Variants in CASP9 observed in about 807,000 individuals in gnomAD.
CASP9 encodes the protein caspase 9.
In CASP9, 29 loss-of-function variants were observed where a neutral mutation model predicts 43.5. That is an observed-to-expected ratio of 0.67 (90% confidence interval 0.50 to 0.91). The LOEUF (loss-of-function observed/expected upper bound fraction) is 0.91. Among genes scored for constraint, CASP9 ranks in the 40% least tolerant of loss-of-function variants. The pLI is 0.00. For missense variants in CASP9, 575 were observed against 537.4 expected, an observed-to-expected ratio of 1.07 and a Z score of -0.69; for synonymous variants, 206 against 211.9, an observed-to-expected ratio of 0.97 and a Z score of 0.24.
Position 15,524,058 on chromosome 1 carries a change from CG to C in CASP9, c.132+10del. On this transcript the variant is annotated intron_variant, in intron 1 of 8. Transcript: ENST00000333868. ...GCCGTGCAGCGCGGGGACAGGGGGC[CG>C]GGGGCGCACCTGGATGTCCTCGATC... is the stretch of plus-strand genomic sequence containing the variant. 2 of 1,481,806 alleles carry C rather than the reference CG, an allele frequency of 1.3e-6. No individual in the cohort carries two copies. Among genetic ancestry groups the C allele is most frequent in the East Asian group, 2.8e-5 (1 of 35,110 alleles). 91.8% of individuals were successfully genotyped at this position (1,481,806 alleles called of 1,614,324 possible).
chr1:15,520,389 T>A (rs1710138096), intron 1 of CASP9, among the ~76,000 whole-genome samples: 1 of 152,170 alleles, frequency 6.6e-6, no homozygotes, highest in Admixed American at 6.5e-5. Flanking sequence ...ATAATACAAA[T>A]TAGGTATAGA....
intron 1 of CASP9, among the ~76,000 whole-genome samples, chr1:15,520,294 A>G (rs1710133561): frequency 6.6e-6 from 1 of 152,206 alleles, no homozygotes; most frequent in Non-Finnish European, 1.5e-5. Context: ...TTTGTGGGCG[A>G]AAGATTACCC....
intron 6 of CASP9, among the ~76,000 whole-genome samples, chr1:15,498,722 C>A (rs1709206138): frequency 6.8e-6 from 1 of 147,902 alleles, no homozygotes; most frequent in South Asian, 2.1e-4. Context: ...ACACCAGATT[C>A]CATGGATCTT....
In CASP9 at chr1:15,498,079, T is replaced by TTTTTTG. The variant is rs914062351; in HGVS notation, c.869-2633_869-2628dup. Among the ~76,000 whole-genome samples, 21 of 151,934 alleles carry TTTTTTG rather than the reference T, an allele frequency of 1.4e-4. No individual in the cohort carries two copies. The South Asian group carries it at 3.5e-3, about 26-fold the overall frequency. On this transcript the variant is annotated intron_variant, in intron 6 of 8. Coordinates refer to ENST00000333868, the MANE Select transcript of CASP9 (RefSeq NM_001229.5). ...TTTTTTGTTTTGTTTTGGGGGATTG[T>TTTTTTG]TTTTTGTTTTTGTTTTTGTTTTTTG...
chr1:15,524,584 T>TCACGTCCCCGCACTGACCG, upstream of CASP9: 3 of 754,498 alleles, frequency 4.0e-6, no homozygotes, highest in South Asian at 3.3e-5. Flanking sequence ...CGCACTGACC[T>TCACGTCCCCGCACTGACCG]CACGTCACCG....
intron 6 of CASP9, among the ~76,000 whole-genome samples, chr1:15,502,193 C>T (rs1709353770): frequency 1.3e-5 from 2 of 152,010 alleles, no homozygotes; most frequent in African/African-American, 4.8e-5. Context: ...CATCTCAATA[C>T]AATGAGACAG....
chr1:15,520,126 G>C (rs1226765414), intron 1 of CASP9: 1 of 97,234 alleles, frequency 1.0e-5, no homozygotes, highest in Non-Finnish European at 2.1e-5. Context: ...GGATCCACAG[G>C]GATAAGATGG....
rs1368179036 is a variant in CASP9, at chr1:15,492,897, G to A, written c.*46C>T. On this transcript the variant is annotated 3_prime_UTR_variant, in exon 9 of 9. Coordinates refer to ENST00000333868, the MANE Select transcript of CASP9 (RefSeq NM_001229.5). ...CTCAGCCTCTTTCAGGCCTGGGGCA[G>A]GAAAGCTTTGGGGTGCAAGATAAGG... 1.2e-6 allele frequency: 2 copies of A among 1,607,892 alleles called. No individual in the cohort carries two copies. Among genetic ancestry groups the A allele is most frequent in the Admixed American group, 1.7e-5 (1 of 59,390 alleles).
At chr1:15,507,226 C>T in intron 3 of CASP9, 151 bp from the exon 4 acceptor site, 5 of 744,472 alleles carry the variant, frequency 6.7e-6, no homozygotes, top group Non-Finnish European at 1.1e-5. Flanking sequence ...GAAGCAACTG[C>T]AGGGAAGACT....
At position 15,504,606 on chromosome 1, in the gene CASP9, C is replaced by A; in HGVS notation, c.868+5G>T. 1 of 1,610,320 alleles carries A rather than the reference C, an allele frequency of 6.2e-7. No homozygotes were observed. The highest frequency in any genetic ancestry group is 8.5e-7 in the Non-Finnish European group (1 of 1,178,312). On this transcript the variant is annotated splice_donor_5th_base_variant and intron_variant, in intron 6 of 8. Coordinates refer to ENST00000333868, the MANE Select transcript of CASP9 (RefSeq NM_001229.5). The stretch of plus-strand genomic sequence containing the variant: ...CACCCAGAGGGAGGCTGAGGAGCTG[C>A]TTACCCCCACCACAGGCCTGGATGA...
intron 1 of CASP9, among the ~76,000 whole-genome samples, chr1:15,520,901 T>C (rs1710164554): frequency 2.0e-5 from 3 of 152,044 alleles, no homozygotes; most frequent in Admixed American, 2.0e-4. Flanking sequence ...CTCAAGCCTG[T>C]AATCCCAGCA....
At chr1:15,508,256 C>A (rs937784188) in intron 2 of CASP9, among the ~76,000 whole-genome samples, 9 of 152,126 alleles carry the variant, frequency 5.9e-5, no homozygotes, top group African/African-American at 2.2e-4. Context: ...GTGATACAGC[C>A]ACACAAGAGA....
Position 15,505,999 on chromosome 1 carries a change from G to GT in CASP9, c.710dup (p.His237GlnfsTer61). 6.2e-7 allele frequency: 1 copy of GT among 1,613,828 alleles called. No individual in the cohort carries two copies. The highest frequency in any genetic ancestry group is 8.5e-7 in the Non-Finnish European group (1 of 1,179,666). On this transcript the variant is annotated frameshift_variant, in exon 5 of 9. Transcript: ENST00000333868. LOFTEE classifies it high-confidence loss of function. ...GTGGGAGGCTTCCTACCTGACAGCC[G>GT]TGAGAGAGAATGACCACCACGCAGC...
intron 2 of CASP9, among the ~76,000 whole-genome samples, chr1:15,514,018 G>A (rs1709861832): frequency 6.6e-6 from 1 of 152,206 alleles, no homozygotes; most frequent in Admixed American, 6.5e-5. Flanking sequence ...TAAAACTGAT[G>A]TGTCCACATT....
rs1708893537 is a variant in CASP9, at chr1:15,491,463, A to G, written c.*1480T>C. ...ATCCATCCTAACATCCAGGGCCCTA[A>G]GAACCAGAAATAGGTCAGGCGCAAT... On this transcript the variant is annotated 3_prime_UTR_variant, in exon 9 of 9. Transcript: ENST00000333868. 8.9e-7 allele frequency: 1 copy of G among 1,123,060 alleles called. No individual in the cohort carries two copies. Among genetic ancestry groups the G allele is most frequent in the Admixed American group, 2.2e-5 (1 of 46,246 alleles). 69.6% of individuals were successfully genotyped at this position (1,123,060 alleles called of 1,614,324 possible). A position where few individuals can be genotyped will look rare whatever the true frequency, so the allele number is the denominator to read the frequency against.
rs1247563619 is a variant in CASP9 at position 15,495,134 on chromosome 1, G to A, written c.1048+139C>T. The A allele has an allele frequency of 4.8e-5, 38 of 783,674 alleles. No homozygotes were observed. The East Asian group carries it at 1.1e-3, about 23-fold the overall frequency. The allele number at this position is 783,674 out of a possible 1,614,324, so 48.5% of individuals were successfully genotyped here. Reference sequence around the variant, plus strand: ...AGCCTGAGCCGAGGCTCAGAGAGAAGTAACTTGCTCAGGGTCACAGAGGGG... The same window carrying A: ...AGCCTGAGCCGAGGCTCAGAGAGAAATAACTTGCTCAGGGTCACAGAGGGG... On this transcript the variant is annotated intron_variant, in intron 7 of 8. Coordinates refer to ENST00000333868, the MANE Select transcript of CASP9 (RefSeq NM_001229.5).
chr1:15,520,272 A>G (rs763279536), intron 1 of CASP9, among the ~76,000 whole-genome samples: 20 of 152,204 alleles, frequency 1.3e-4, no homozygotes, highest in Non-Finnish European at 2.6e-4. Context: ...AGTACAACTG[A>G]GGAACTGAAT....
At chr1:15,494,929 G>A (rs542381426) in intron 7 of CASP9, among the ~76,000 whole-genome samples, 6 of 143,386 alleles carry the variant, frequency 4.2e-5, no homozygotes, top group Non-Finnish European at 9.1e-5. Flanking sequence ...TACGTGCCCC[G>A]CACTGTGCTC....
chr1:15,518,320 G>C lies in CASP9; in HGVS notation c.208C>G (p.Leu70Val), dbSNP rs768292818. The change falls in exon 2 of 9, where the codon CTT becomes GTT. Residue 70 changes from leucine (L) to valine (V), a missense_variant. Leu to Val is a conservative substitution (Grantham distance 32, BLOSUM62 1). Transcript: ENST00000333868. ...IDLETRGSQA[L>V]PLFISCLEDT... is the part of the protein sequence containing the mutation. ...TCTAAGCAGGAGATGAACAAAGGAA[G>C]AGCCTGACTCCCTCGAGTCTCCAGA... 7.4e-6 allele frequency: 12 copies of C among 1,614,072 alleles called. No homozygotes were observed. The South Asian group carries it at 1.3e-4, about 18-fold the overall frequency.
Sources: gnomAD v4.1 joint callset for allele counts (sites outside exome capture counted in the v4.1 genomes callset) on GRCh38, gnomAD v4.1.1 for gene constraint, MANE v1.5 for transcripts, NCBI Gene and HGNC (gene_info 2026-07-23, HGNC 2026-07-21) for gene names.